MBOAT2: variants seen among roughly 807,000 people sequenced by gnomAD.
MBOAT2 encodes the protein membrane-bound glycerophospholipid O-acyltransferase 2.
A neutral mutation model predicts 63.4 loss-of-function variants in MBOAT2; 28 were observed. The observed-to-expected ratio is 0.44, with a 90% CI of 0.33 to 0.61. MBOAT2 has a LOEUF of 0.61. MBOAT2 is among the 20% of genes least tolerant of loss of function. The probability of loss-of-function intolerance (pLI) is 0.03; values close to 1 mark genes in which losing one functional copy is unlikely to be tolerated. For synonymous variants in MBOAT2, 211 were observed against 215.6 expected (o/e 0.98, Z 0.19); for missense variants, 470 against 605.8 (o/e 0.78, Z 2.35).
rs1660975228 is a variant in MBOAT2, at chr2:8,854,740, C to T, written c.*3939G>A. The T allele has an allele frequency of 6.6e-6, 1 of 152,002 alleles. No individual in the cohort carries two copies. Among genetic ancestry groups the T allele is most frequent in the Non-Finnish European group, 1.5e-5 (1 of 67,994 alleles). The allele number at this position is 152,002 out of a possible 1,614,324, so 9.4% of individuals were successfully genotyped here. ...ACTTTAAATAGGAGAGATTTTTGTC[C>T]TAAAACTGTGATCTAGTCCTTGAGT... is the stretch of plus-strand genomic sequence containing the variant. On this transcript the variant is annotated 3_prime_UTR_variant, in exon 13 of 13. Transcript: ENST00000305997.
At chr2:8,929,293 C>T (rs772923976) in intron 3 of MBOAT2, among the ~76,000 whole-genome samples, 1 of 152,184 alleles carries the variant, frequency 6.6e-6, no homozygotes, top group South Asian at 2.1e-4. Context: ...TAAGAAATAC[C>T]ACTGATTTAC....
chr2:8,919,566 G>T (rs1020768047), intron 3 of MBOAT2, among the ~76,000 whole-genome samples: 1 of 152,066 alleles, frequency 6.6e-6, no homozygotes, highest in South Asian at 2.1e-4. Context: ...TCTTTAAATT[G>T]GGTTGTCTTC....
In MBOAT2 at chr2:8,978,854, A is replaced by T. The variant is rs571559242; in HGVS notation, c.76-20212T>A. Among the ~76,000 whole-genome samples the T allele has an allele frequency of 2.5e-4, 23 of 92,846 alleles. No individual in the cohort carries two copies. In the South Asian group the frequency reaches 7.0e-3, roughly 28 times the overall value. 60.9% of individuals were successfully genotyped at this position (92,846 alleles called of 152,430 possible). A position where few individuals can be genotyped will look rare whatever the true frequency, so the allele number is the denominator to read the frequency against. On this transcript the variant is annotated intron_variant, in intron 1 of 12. Coordinates refer to ENST00000305997, the MANE Select transcript of MBOAT2 (RefSeq NM_138799.4). ...TAAAAATTAAAAAAGCACCCATCTT[A>T]AAAAAAAAAGGTGGTGGGGGGAGGC...
At chr2:8,918,651 T>G (rs917777072) in intron 3 of MBOAT2, among the ~76,000 whole-genome samples, 1 of 152,210 alleles carries the variant, frequency 6.6e-6, no homozygotes, top group Non-Finnish European at 1.5e-5. Flanking sequence ...CATATTTGTT[T>G]AACCTGAATT....
At chr2:8,915,140 T>C (rs1008539809) in intron 3 of MBOAT2, among the ~76,000 whole-genome samples, 8 of 151,906 alleles carry the variant, frequency 5.3e-5, no homozygotes, top group African/African-American at 1.7e-4. Context: ...GGTTTCACCA[T>C]ATTGGCCAGG....
chr2:8,867,375 C>T (rs1463982480), intron 9 of MBOAT2, among the ~76,000 whole-genome samples: 1 of 152,152 alleles, frequency 6.6e-6, no homozygotes, highest in African/African-American at 2.4e-5. Context: ...CCTCTCAGTA[C>T]TGGTGCTCTT....
intron 1 of MBOAT2, among the ~76,000 whole-genome samples, chr2:8,991,677 A>C (rs1313230839): frequency 1.3e-5 from 2 of 152,160 alleles, no homozygotes; most frequent in Non-Finnish European, 2.9e-5. Context: ...CTTAACAGAA[A>C]CTGTTACCTA....
chr2:8,998,820 T>C (rs374127235), intron 1 of MBOAT2, among the ~76,000 whole-genome samples: 1 of 152,048 alleles, frequency 6.6e-6, no homozygotes, highest in East Asian at 1.9e-4. Context: ...AAAACAATGA[T>C]CTACCAAAAA....
intron 2 of MBOAT2, among the ~76,000 whole-genome samples, chr2:8,947,257 C>T (rs1668484071): frequency 6.6e-6 from 1 of 152,162 alleles, no homozygotes; most frequent in Non-Finnish European, 1.5e-5. Flanking sequence ...AGAGATGAAG[C>T]TGGAGAAGAA....
chr2:8,964,692 TCTC>T (rs1437438417), intron 1 of MBOAT2, among the ~76,000 whole-genome samples: 1 of 152,228 alleles, frequency 6.6e-6, no homozygotes, highest in African/African-American at 2.4e-5. Context: ...GCTAAATTGC[TCTC>T]CTAATTATTT....
chr2:8,953,388 C>T (rs1668979226), intron 2 of MBOAT2, among the ~76,000 whole-genome samples: 1 of 152,080 alleles, frequency 6.6e-6, no homozygotes, highest in South Asian at 2.1e-4. Flanking sequence ...TTAGCATTGA[C>T]CTTGGACAGT....
At chr2:8,910,778 T>C (rs537238880) in intron 3 of MBOAT2, among the ~76,000 whole-genome samples, 17 of 152,342 alleles carry the variant, frequency 1.1e-4, no homozygotes, top group African/African-American at 1.4e-4. Context: ...GAAGCCCACA[T>C]AGTTTTCTAA....
intron 1 of MBOAT2, among the ~76,000 whole-genome samples, chr2:8,983,332 G>A (rs1291048242): frequency 6.6e-6 from 1 of 151,960 alleles, no homozygotes; most frequent in African/African-American, 2.4e-5. Context: ...TTCCATACTC[G>A]AACTACTATA....
chr2:9,001,126 T>C (rs1573297868), intron 1 of MBOAT2, among the ~76,000 whole-genome samples: 1 of 152,258 alleles, frequency 6.6e-6, no homozygotes, highest in South Asian at 2.1e-4. Flanking sequence ...GGAGCTGTCA[T>C]GTCCTACAAT....
At chr2:8,863,130 T>C (rs1661606446) in intron 10 of MBOAT2, among the ~76,000 whole-genome samples, 1 of 152,188 alleles carries the variant, frequency 6.6e-6, no homozygotes, top group Non-Finnish European at 1.5e-5. Flanking sequence ...TAGTCTACAA[T>C]TCTTCTATGA....
At chr2:8,979,878 T>C (rs1671081186) in intron 1 of MBOAT2, among the ~76,000 whole-genome samples, 1 of 152,134 alleles carries the variant, frequency 6.6e-6, no homozygotes, top group South Asian at 2.1e-4. Context: ...ACTCCACTAC[T>C]AATACGCCTA....
rs909138841 is a variant in MBOAT2, at chr2:8,857,390, T to C, written c.*1289A>G. ...CAGTCCTCTGTGGGATCGCAGGAGA[T>C]GCTTAGTAATCCAAGGCAAGATTAG... On this transcript the variant is annotated 3_prime_UTR_variant, in exon 13 of 13. Transcript: ENST00000305997. The C allele has an allele frequency of 1.3e-5, 2 of 152,502 alleles. No homozygotes were observed. The highest frequency in any genetic ancestry group is 2.9e-5 in the Non-Finnish European group (2 of 68,036). The allele number at this position is 152,502 out of a possible 1,614,324, so 9.4% of individuals were successfully genotyped here.
intron 3 of MBOAT2, among the ~76,000 whole-genome samples, chr2:8,921,258 G>A (rs898850282): frequency 6.6e-6 from 1 of 151,848 alleles, no homozygotes; most frequent in Non-Finnish European, 1.5e-5. Context: ...TTTAGTGATT[G>A]CTCTAGGAAT....
chr2:8,906,886 C>T (rs1665371615), intron 4 of MBOAT2, among the ~76,000 whole-genome samples: 1 of 151,988 alleles, frequency 6.6e-6, no homozygotes, highest in African/African-American at 2.4e-5. Context: ...ATACGGAATC[C>T]CAAAATACAA....
Sources: gnomAD v4.1 joint callset for allele counts (sites outside exome capture counted in the v4.1 genomes callset) on GRCh38, gnomAD v4.1.1 for gene constraint, MANE v1.5 for transcripts, NCBI Gene and HGNC (gene_info 2026-07-23, HGNC 2026-07-21) for gene names.